NTRK2: variants seen among roughly 807,000 people sequenced by gnomAD.
The protein encoded by NTRK2 is BDNF/NT-3 growth factors receptor.
NTRK2 carries 13 observed loss-of-function variants against 94.5 expected under a neutral mutation model. The observed-to-expected ratio is 0.14, with a 90% confidence interval of 0.09 to 0.22. NTRK2 has a LOEUF of 0.22. NTRK2 is among the 10% of genes least tolerant of loss of function. NTRK2 has a pLI of 1.00. For missense variants in NTRK2, 639 were observed against 1,071.2 expected (o/e 0.60, Z 5.63); for synonymous variants, 372 against 407.4 (o/e 0.91, Z 1.05).
At chr9:84,986,622 C>CT (rs34565583) in intron 17 of NTRK2, among the ~76,000 whole-genome samples, 73,599 of 151,996 alleles carry the variant, frequency 0.48, 18,201 homozygotes, top group Middle Eastern at 0.55. Flanking sequence ...ACAACTGAAA[C>CT]TTTTTTTGCC....
intron 15 of NTRK2, among the ~76,000 whole-genome samples, chr9:84,942,730 G>A (rs1282504174): frequency 1.3e-5 from 2 of 151,506 alleles, no homozygotes; most frequent in Non-Finnish European, 2.9e-5. Context: ...TAATGAGAGA[G>A]TTTATATTAT....
At chr9:84,907,134 A>G (rs949651722) in intron 14 of NTRK2, among the ~76,000 whole-genome samples, 2 of 152,188 alleles carry the variant, frequency 1.3e-5, no homozygotes, top group Non-Finnish European at 1.5e-5. Flanking sequence ...AAAAAGATGT[A>G]TTTAGAATCA....
intron 12 of NTRK2, among the ~76,000 whole-genome samples, chr9:84,782,182 A>G (rs2067654851): frequency 6.6e-6 from 1 of 152,136 alleles, no homozygotes; most frequent in African/African-American, 2.4e-5. Flanking sequence ...CAGACAATCC[A>G]TCTCTGGTTC....
chr9:84,826,175 A>C (rs974438537), intron 12 of NTRK2, among the ~76,000 whole-genome samples: 2 of 152,194 alleles, frequency 1.3e-5, no homozygotes, highest in Non-Finnish European at 2.9e-5. Flanking sequence ...ATTTATTCTC[A>C]TCATTGTGGA....
intron 12 of NTRK2, among the ~76,000 whole-genome samples, chr9:84,760,109 A>G (rs2065419529): frequency 1.3e-5 from 2 of 152,230 alleles, no homozygotes; most frequent in African/African-American, 2.4e-5. Flanking sequence ...AGGAACATAT[A>G]GGAAAGTAAT....
At chr9:84,702,884 T>C (rs1040579389) in intron 4 of NTRK2, among the ~76,000 whole-genome samples, 2 of 152,236 alleles carry the variant, frequency 1.3e-5, no homozygotes, top group African/African-American at 4.8e-5. Flanking sequence ...AAGCCGTCTG[T>C]CATGGTTTGA....
At chr9:84,882,826 C>T (rs1040685870) in intron 14 of NTRK2, among the ~76,000 whole-genome samples, 8 of 152,154 alleles carry the variant, frequency 5.3e-5, no homozygotes, top group African/African-American at 1.7e-4. Flanking sequence ...CTGGAGTTCG[C>T]GATCTCGGCT....
At chr9:84,864,744 T>TC (rs1301944517) in intron 13 of NTRK2, among the ~76,000 whole-genome samples, 2 of 134,174 alleles carry the variant, frequency 1.5e-5, no homozygotes, top group South Asian at 2.3e-4. Context: ...TTCTTTTTTT[T>TC]TTTTTTTTTT....
At chr9:84,777,512 G>T (rs1042907440) in intron 12 of NTRK2, among the ~76,000 whole-genome samples, 1 of 152,164 alleles carries the variant, frequency 6.6e-6, no homozygotes, top group Admixed American at 6.5e-5. Flanking sequence ...TTGACTCAGA[G>T]TGTTTCTCAG....
intron 12 of NTRK2, among the ~76,000 whole-genome samples, chr9:84,800,321 A>G (rs1269586354): frequency 1.3e-5 from 2 of 151,866 alleles, no homozygotes; most frequent in Non-Finnish European, 2.9e-5. Flanking sequence ...TTCCGGCCTC[A>G]GTCTCCGGAG....
intron 12 of NTRK2, among the ~76,000 whole-genome samples, chr9:84,825,891 G>T (rs2073153550): frequency 6.6e-6 from 1 of 152,214 alleles, no homozygotes; most frequent in South Asian, 2.1e-4. Flanking sequence ...AGATGAAAAA[G>T]ATGTGATTCT....
intron 12 of NTRK2, chr9:84,814,674 C>A: frequency 9.4e-7 from 1 of 1,065,114 alleles, no homozygotes; most frequent in Non-Finnish European, 1.1e-6. Context: ...GAATCTGATT[C>A]CTTCACACTA....
intron 12 of NTRK2, among the ~76,000 whole-genome samples, chr9:84,847,354 TG>T (rs1319876311): frequency 4.6e-5 from 7 of 152,218 alleles, no homozygotes; most frequent in Non-Finnish European, 8.8e-5. Flanking sequence ...ATTTTATAGT[TG>T]CAAATGGTTT....
At chr9:84,747,727 C>T (rs1006239303) in intron 11 of NTRK2, among the ~76,000 whole-genome samples, 6 of 151,978 alleles carry the variant, frequency 3.9e-5, no homozygotes, top group African/African-American at 4.8e-5. Flanking sequence ...GTGATCTGCC[C>T]GCCTCGGCCT....
At chr9:84,849,714 C>T (rs2074659688) in intron 12 of NTRK2, among the ~76,000 whole-genome samples, 1 of 152,100 alleles carries the variant, frequency 6.6e-6, no homozygotes, top group Non-Finnish European at 1.5e-5. Context: ...GGAACTATGA[C>T]AGAGAAAGAA....
intron 17 of NTRK2, among the ~76,000 whole-genome samples, chr9:84,967,323 A>G (rs1442411818): frequency 6.6e-6 from 1 of 152,094 alleles, no homozygotes; most frequent in Non-Finnish European, 1.5e-5. Flanking sequence ...GTCTAGGCAG[A>G]CCCCTGCTGG....
Position 84,855,720 on chromosome 9 carries a change from T to C in NTRK2, c.1397-5320T>C, listed in dbSNP as rs79034804. ...TTGAAGGAAAGATAGCTCAGCATCA[T>C]TGGCCCTCTGGTAGAAAGACTCTGA... On this transcript the variant is annotated intron_variant, in intron 12 of 18. Coordinates refer to ENST00000277120, the MANE Select transcript of NTRK2 (RefSeq NM_006180.6). Among the ~76,000 whole-genome samples, 711 of 152,286 alleles carry C rather than the reference T, an allele frequency of 4.7e-3. 13 individuals carry two copies. Among genetic ancestry groups the C allele is most frequent in the Admixed American group, 0.038 (575 of 15,296 alleles).
At chr9:84,709,987 G>A (rs1340192752) in intron 5 of NTRK2, among the ~76,000 whole-genome samples, 3 of 151,810 alleles carry the variant, frequency 2.0e-5, no homozygotes, top group Non-Finnish European at 4.4e-5. Flanking sequence ...GTGTGTGTGT[G>A]TGTGTGTGTG....
chr9:85,019,512 A>T (rs530673054), intron 17 of NTRK2, among the ~76,000 whole-genome samples: 1 of 152,330 alleles, frequency 6.6e-6, no homozygotes, highest in African/African-American at 2.4e-5. Flanking sequence ...TTGCTATCTG[A>T]TGCCCCAGTC....
Sources: allele counts gnomAD v4.1 joint callset (sites outside exome capture counted in the v4.1 genomes callset), GRCh38; gene constraint gnomAD v4.1.1; transcripts MANE v1.5; gene names NCBI Gene and HGNC (gene_info 2026-07-23, HGNC 2026-07-21).